Variants in WWOX observed in about 807,000 individuals in gnomAD.
WWOX encodes WW domain containing oxidoreductase.
A neutral mutation model predicts 46.2 loss-of-function variants in WWOX; 69 were observed. That is an observed-to-expected ratio of 1.49 (90% confidence interval 1.23 to 1.82). WWOX has a LOEUF of 1.82. Ranked by LOEUF, WWOX falls within the 40% of genes most tolerant of loss-of-function variation. The pLI, the probability that WWOX is intolerant of heterozygous loss-of-function variation, is 0.00. For synonymous variants in WWOX, 359 were observed against 202.6 expected (o/e 1.77, Z -6.56); for missense variants, 919 against 542.6 (o/e 1.69, Z -6.89).
intron 8 of WWOX, among the ~76,000 whole-genome samples, chr16:78,549,828 G>GGT (rs1241840194): frequency 1.3e-5 from 2 of 152,108 alleles, no homozygotes; most frequent in Non-Finnish European, 2.9e-5. Flanking sequence ...ACATTTGTAT[G>GGT]GTGTATGTAG....
At chr16:78,437,426 A>G (rs1365783048) in intron 8 of WWOX, among the ~76,000 whole-genome samples, 1 of 152,212 alleles carries the variant, frequency 6.6e-6, no homozygotes, top group African/African-American at 2.4e-5. Context: ...ACACATTTCT[A>G]ATTGTTGCTG....
chr16:79,206,553 A>C (rs1203743627), intron 8 of WWOX: 1 of 152,192 alleles, frequency 6.6e-6, no homozygotes, highest in East Asian at 1.9e-4. Context: ...GCAAATCGTA[A>C]CCTCTCAATA....
At chr16:78,617,982 A>T (rs2046069820) in intron 8 of WWOX, among the ~76,000 whole-genome samples, 1 of 152,216 alleles carries the variant, frequency 6.6e-6, no homozygotes, top group Admixed American at 6.5e-5. Context: ...TCATATGAAT[A>T]ATGTTAACAA....
chr16:78,330,238 C>T (rs886715817), intron 5 of WWOX, among the ~76,000 whole-genome samples: 1 of 152,064 alleles, frequency 6.6e-6, no homozygotes. Context: ...CTATAAATAT[C>T]CTTAATGCCA....
chr16:78,832,892 C>G (rs2051870700), intron 8 of WWOX, among the ~76,000 whole-genome samples: 1 of 152,080 alleles, frequency 6.6e-6, no homozygotes, highest in South Asian at 2.1e-4. Flanking sequence ...TCATGCAGTT[C>G]TATTTATTTT....
intron 8 of WWOX, among the ~76,000 whole-genome samples, chr16:78,781,760 GC>G (rs1167004043): frequency 7.2e-5 from 11 of 152,140 alleles, no homozygotes; most frequent in African/African-American, 2.7e-4. Flanking sequence ...GGGCAACAGA[GC>G]GAGGCTCCAT....
intron 5 of WWOX, among the ~76,000 whole-genome samples, chr16:78,368,966 CTTTCTCTGCA>C (rs2081600428): frequency 6.6e-6 from 1 of 152,164 alleles, no homozygotes; most frequent in Admixed American, 6.5e-5. Flanking sequence ...TCCTGTCTGC[CTTTCTCTGCA>C]TTTCTCAGTC....
At chr16:78,109,275 C>T (rs928353508) in intron 2 of WWOX, among the ~76,000 whole-genome samples, 11 of 151,772 alleles carry the variant, frequency 7.2e-5, no homozygotes, top group Non-Finnish European at 1.3e-4. Flanking sequence ...TCACTTGTGC[C>T]TGGGAATTCG....
chr16:78,548,230 A>T (rs1331192120), intron 8 of WWOX, among the ~76,000 whole-genome samples: 1 of 150,774 alleles, frequency 6.6e-6, no homozygotes, highest in African/African-American at 2.4e-5. Flanking sequence ...TGATGTGGAT[A>T]TGATTTGAGC....
intron 8 of WWOX, among the ~76,000 whole-genome samples, chr16:78,643,816 C>T (rs1196165936): frequency 1.5e-5 from 2 of 136,330 alleles, no homozygotes; most frequent in Admixed American, 8.6e-5. Context: ...GGAGGAAAGC[C>T]CCCTAACTCC....
chr16:79,148,560 C>A (rs2050221207), intron 8 of WWOX, among the ~76,000 whole-genome samples: 1 of 152,070 alleles, frequency 6.6e-6, no homozygotes, highest in African/African-American at 2.4e-5. Context: ...TGTGCTTTTT[C>A]ATATAAATTG....
chr16:78,733,133 C>T (rs943982551), intron 8 of WWOX, among the ~76,000 whole-genome samples: 10 of 152,094 alleles, frequency 6.6e-5, no homozygotes, highest in African/African-American at 1.4e-4. Context: ...TTTTTAATTA[C>T]GTTCATATTT....
chr16:78,285,856 A>G (rs566011331), intron 5 of WWOX, among the ~76,000 whole-genome samples: 3 of 152,272 alleles, frequency 2.0e-5, no homozygotes, highest in Admixed American at 2.0e-4. Context: ...TTTCACATCA[A>G]AGAACAAGCT....
chr16:78,996,761 C>G (rs1013899440), intron 8 of WWOX, among the ~76,000 whole-genome samples: 1 of 152,162 alleles, frequency 6.6e-6, no homozygotes, highest in Non-Finnish European at 1.5e-5. Context: ...CCCAACTGTT[C>G]CCTTCCCGCT....
intron 8 of WWOX, among the ~76,000 whole-genome samples, chr16:79,052,277 A>C (rs1000976341): frequency 6.9e-6 from 1 of 145,708 alleles, no homozygotes. Flanking sequence ...CCTATGAGTG[A>C]GAATATGCGT....
chr16:79,009,357 C>T (rs2047257089), intron 8 of WWOX, among the ~76,000 whole-genome samples: 1 of 152,182 alleles, frequency 6.6e-6, no homozygotes, highest in South Asian at 2.1e-4. Context: ...CTCTTTTTCA[C>T]AAATGCTTAT....
At chr16:79,105,877 T>G (rs879896352) in intron 8 of WWOX, 4 of 152,236 alleles carry the variant, frequency 2.6e-5, no homozygotes, top group Admixed American at 1.3e-4. Flanking sequence ...TTCACCTTTT[T>G]ACACAAGCTG....
At chr16:78,631,503 G>A in intron 8 of WWOX, among the ~76,000 whole-genome samples, 1 of 151,052 alleles carries the variant, frequency 6.6e-6, no homozygotes, top group East Asian at 2.0e-4. Context: ...TTTATTATGA[G>A]ATTATGTTCA....
At chr16:78,695,842 G>A (rs755279463) in intron 8 of WWOX, among the ~76,000 whole-genome samples, 6 of 152,188 alleles carry the variant, frequency 3.9e-5, no homozygotes, top group African/African-American at 1.2e-4. Context: ...CATCAGGTAC[G>A]CTGTGGAAGG....
Sources: allele counts gnomAD v4.1 joint callset (sites outside exome capture counted in the v4.1 genomes callset), GRCh38; gene constraint gnomAD v4.1.1; transcripts MANE v1.5; gene names NCBI Gene and HGNC (gene_info 2026-07-23, HGNC 2026-07-21).